The following ATP11A variants were observed in gnomAD, a reference collection of about 807,000 sequenced individuals.
ATP11A encodes the protein ATPase phospholipid transporting 11A.
A neutral mutation model predicts 154.4 loss-of-function variants in ATP11A; 81 were observed. The ratio of observed to expected loss-of-function variants is 0.52; its 90% confidence interval spans 0.44 to 0.63. ATP11A has a LOEUF of 0.63. Among genes scored for constraint, ATP11A ranks in the 30% least tolerant of loss-of-function variants. The pLI is 0.00. For synonymous variants in ATP11A, 623 were observed against 585.9 expected, an observed-to-expected ratio of 1.06 and a Z score of -0.91; for missense variants, 1,316 against 1,474.3, an observed-to-expected ratio of 0.89 and a Z score of 1.76.
intron 1 of ATP11A, among the ~76,000 whole-genome samples, chr13:112,718,057 CAA>C (rs1481786070): frequency 2.6e-5 from 4 of 152,232 alleles, no homozygotes; most frequent in African/African-American, 7.2e-5. Context: ...GCCTGAGTGA[CAA>C]GAGGGAAACT....
At chr13:112,868,390 T>C (rs1397287894) in intron 25 of ATP11A, among the ~76,000 whole-genome samples, 1 of 152,200 alleles carries the variant, frequency 6.6e-6, no homozygotes, top group East Asian at 1.9e-4. Context: ...GCAGAAAGCT[T>C]CTATAGGAAT....
chr13:112,708,695 T>C (rs995049469), intron 1 of ATP11A, among the ~76,000 whole-genome samples: 1 of 152,250 alleles, frequency 6.6e-6, no homozygotes, highest in African/African-American at 2.4e-5. Context: ...TCCCTGGCTG[T>C]CACTCAGATG....
chr13:112,873,096 AAT>A (rs1467977387), intron 26 of ATP11A, among the ~76,000 whole-genome samples: 4 of 63,532 alleles, frequency 6.3e-5, no homozygotes, highest in African/African-American at 1.1e-4. Context: ...TTGTCTCCTT[AAT>A]GGTGTGAGGT....
Position 112,862,502 on chromosome 13 carries a change from T to C in ATP11A, c.2918T>C (p.Leu973Pro). Reference sequence around the variant, plus strand: ...TTCATCTACTGGACGCTCCTGGGACTGTTTGACGCACTGGTGTTCTTCTTT... The same window carrying C: ...TTCATCTACTGGACGCTCCTGGGACCGTTTGACGCACTGGTGTTCTTCTTT... Reference protein sequence around the residue: ...RVFIYWTLLGLFDALVFFFGA... With the variant: ...RVFIYWTLLGPFDALVFFFGA... The change falls in exon 25 of 30, where the codon CTG (leucine) becomes CCG (proline). Residue 973 changes from leucine to proline, a missense_variant. Coordinates refer to ENST00000375645, the MANE Select transcript of ATP11A (RefSeq NM_015205.3). 6.2e-7 allele frequency: 1 copy of C among 1,614,196 alleles called. No homozygotes were observed. The highest frequency in any genetic ancestry group is 8.5e-7 in the Non-Finnish European group (1 of 1,180,022).
At chr13:112,850,627 A>G (rs1289906863) in intron 17 of ATP11A, among the ~76,000 whole-genome samples, 1 of 152,212 alleles carries the variant, frequency 6.6e-6, no homozygotes, top group Non-Finnish European at 1.5e-5. Flanking sequence ...CTTTAGAAAT[A>G]TCACTTGATA....
Position 112,820,089 on chromosome 13 carries a change from G to C in ATP11A, c.725+139G>C. 6 of 809,564 alleles carry C rather than the reference G, an allele frequency of 7.4e-6. No homozygotes were observed. In the South Asian group the frequency reaches 1.1e-4, roughly 15 times the overall value. 50.1% of individuals were successfully genotyped at this position (809,564 alleles called of 1,614,324 possible). On this transcript the variant is annotated intron_variant, in intron 8 of 29. Coordinates refer to ENST00000375645, the MANE Select transcript of ATP11A (RefSeq NM_015205.3). ...GAGTTCCGCTTTCCCACAGGGCCGG[G>C]CTCCACTCTCGTCTCTGGTTTGTCT...
At chr13:112,741,324 C>A (rs1891520941) in intron 1 of ATP11A, among the ~76,000 whole-genome samples, 1 of 144,052 alleles carries the variant, frequency 6.9e-6, no homozygotes, top group Non-Finnish European at 1.5e-5. Context: ...GGCAGCCACA[C>A]CAGGGATGGA....
intron 26 of ATP11A, 135 bp from the exon 27 acceptor site, chr13:112,873,438 A>T: frequency 1.7e-6 from 1 of 601,636 alleles, no homozygotes. Context: ...CGTGTTTTGC[A>T]GGCATTGAGT....
In ATP11A at chr13:112,696,082, A is replaced by C. The variant is rs1214319910; in HGVS notation, c.39+5627A>C. 1.3e-5 allele frequency among the ~76,000 whole-genome samples: 2 copies of C among 152,168 alleles called. No individual in the cohort carries two copies. The highest frequency in any genetic ancestry group is 4.8e-5 in the African/African-American group (2 of 41,458). Reference sequence around the variant, plus strand: ...GGCTGACGGCTGCGTGGCCTTGGCAAGTTGGTTGCCCCCTGTACGCTTGGT... The same window carrying C: ...GGCTGACGGCTGCGTGGCCTTGGCACGTTGGTTGCCCCCTGTACGCTTGGT... On this transcript the variant is annotated intron_variant, in intron 1 of 29. Coordinates refer to ENST00000375645, the MANE Select transcript of ATP11A (RefSeq NM_015205.3). This position sits in a 1 kb window ranked among gnomAD's most constrained non-coding sequence, Gnocchi z 6.2.
Position 112,887,166 on chromosome 13 carries a change from C to G in ATP11A, c.*5300C>G, listed in dbSNP as rs931548121. 2.0e-5 allele frequency: 3 copies of G among 152,240 alleles called. No individual in the cohort carries two copies. The highest frequency in any genetic ancestry group is 6.5e-5 in the Admixed American group (1 of 15,290). 9.4% of individuals were successfully genotyped at this position (152,240 alleles called of 1,614,324 possible). A position where few individuals can be genotyped will look rare whatever the true frequency, so the allele number is the denominator to read the frequency against. ...CAGTTTCTTTATAAAGAAACTCACA[C>G]AAGTGGTGTGTACATTTTCTGCTCT... On this transcript the variant is annotated 3_prime_UTR_variant, in exon 30 of 30. Coordinates refer to ENST00000375645, the MANE Select transcript of ATP11A (RefSeq NM_015205.3).
chr13:112,749,074 GC>G (rs2076627155), intron 1 of ATP11A, among the ~76,000 whole-genome samples: 5 of 152,224 alleles, frequency 3.3e-5, no homozygotes, highest in Admixed American at 1.3e-4. Context: ...CTCTGCTGGG[GC>G]CCCAGGGCAG....
intron 11 of ATP11A, 89 bp downstream of exon 11, chr13:112,825,669 T>A: frequency 1.4e-6 from 2 of 1,450,152 alleles, no homozygotes; most frequent in Non-Finnish European, 1.8e-6. Flanking sequence ...TGACGGTGAA[T>A]TTACTGTAGG....
Position 112,882,030 on chromosome 13 carries a change from G to C in ATP11A, c.*164G>C, listed in dbSNP as rs758266246. On this transcript the variant is annotated 3_prime_UTR_variant, in exon 30 of 30. Transcript: ENST00000375645. The surrounding 1 kb of genome is among the most constrained non-coding windows in gnomAD (Gnocchi z 5.1). ...CACTGCAGTTCCATCCCAAGTCACA[G>C]CTGCCCTAGGTCCCGTGTGGGAATG... The C allele has an allele frequency of 2.9e-6, 4 of 1,367,786 alleles. No homozygotes were observed. The highest frequency in any genetic ancestry group is 3.9e-6 in the Non-Finnish European group (4 of 1,021,974). 84.7% of individuals were successfully genotyped at this position (1,367,786 alleles called of 1,614,324 possible). A position where few individuals can be genotyped will look rare whatever the true frequency, so the allele number is the denominator to read the frequency against.
chr13:112,857,991 C>T (rs2079980902), intron 21 of ATP11A, 71 bp downstream of exon 21: 9 of 1,577,694 alleles, frequency 5.7e-6, no homozygotes, highest in Middle Eastern at 1.7e-4. Context: ...AGGCCCATGG[C>T]AGCACGCAGG....
intron 8 of ATP11A, 111 bp from the exon 9 acceptor site, chr13:112,823,234 T>C (rs2078846529): frequency 2.5e-6 from 2 of 802,964 alleles, no homozygotes; most frequent in Non-Finnish European, 4.3e-6. Flanking sequence ...CCATCTCCTC[T>C]GAAAATGAGA....
chr13:112,760,842 C>T (rs1277570301), intron 1 of ATP11A, among the ~76,000 whole-genome samples: 2 of 152,204 alleles, frequency 1.3e-5, no homozygotes, highest in Non-Finnish European at 2.9e-5. Flanking sequence ...ACGACACATT[C>T]CTCATTCCTT....
intron 28 of ATP11A, among the ~76,000 whole-genome samples, chr13:112,877,326 A>G (rs947451728): frequency 1.3e-5 from 2 of 152,208 alleles, no homozygotes; most frequent in Non-Finnish European, 2.9e-5. Context: ...CTGTGGCCCG[A>G]GAAGCAGCTG....
intron 12 of ATP11A, among the ~76,000 whole-genome samples, chr13:112,830,575 C>CA (rs1465573719): frequency 6.6e-6 from 1 of 151,542 alleles, no homozygotes; most frequent in Non-Finnish European, 1.5e-5. Flanking sequence ...GACTCCGTCT[C>CA]AAAAAAAATA....
chr13:112,702,188 A>G (rs538580699), intron 1 of ATP11A, among the ~76,000 whole-genome samples: 119 of 151,750 alleles, frequency 7.8e-4, no homozygotes, highest in African/African-American at 2.9e-3. Context: ...TCTACTACAA[A>G]TACAAAAATT....
Sources: gnomAD v4.1 joint callset for allele counts (sites outside exome capture counted in the v4.1 genomes callset) on GRCh38, gnomAD v4.1.1 for gene constraint, Gnocchi (gnomAD v3.1) non-coding constraint, MANE v1.5 for transcripts, NCBI Gene and HGNC (gene_info 2026-07-23, HGNC 2026-07-21) for gene names.